Variants in FGF14 observed in about 807,000 individuals in gnomAD.
The protein encoded by FGF14 is fibroblast growth factor homologous factor 4.
FGF14 carries 5 observed loss-of-function variants against 25.5 expected under a neutral mutation model. The ratio of observed to expected loss-of-function variants is 0.20; its 90% CI spans 0.10 to 0.41. FGF14 has a LOEUF of 0.41. Among genes scored for constraint, FGF14 ranks in the 10% least tolerant of loss-of-function variants. The pLI is 1.00. For synonymous variants in FGF14, 138 were observed against 118.3 expected (o/e 1.17, Z -1.08); for missense variants, 222 against 320.1 (o/e 0.69, Z 2.34).
chr13:101,750,905 T>C (rs2037227597), intron 3 of FGF14, among the ~76,000 whole-genome samples: 1 of 152,122 alleles, frequency 6.6e-6, no homozygotes. Context: ...CTTAAATGCA[T>C]ATTACTAAGT....
chr13:102,009,077 G>A (rs189038789), intron 1 of FGF14, among the ~76,000 whole-genome samples: 1 of 152,150 alleles, frequency 6.6e-6, no homozygotes, highest in African/African-American at 2.4e-5. Flanking sequence ...GAAAACAAAT[G>A]GAGTACAGAT....
chr13:102,044,284 T>C (rs906269006), intron 1 of FGF14, among the ~76,000 whole-genome samples: 6 of 152,156 alleles, frequency 3.9e-5, no homozygotes, highest in African/African-American at 1.4e-4. Context: ...CTGTCCTAAC[T>C]GCTAATTACC....
intron 1 of FGF14, among the ~76,000 whole-genome samples, chr13:102,001,837 G>C (rs1464721639): frequency 1.3e-5 from 2 of 152,178 alleles, no homozygotes; most frequent in African/African-American, 4.8e-5. Context: ...AGAAAGAGAA[G>C]AGCAAAAAGA....
intron 1 of FGF14, among the ~76,000 whole-genome samples, chr13:102,344,754 GAGA>G (rs543022266): frequency 2.3e-3 from 350 of 152,316 alleles, no homozygotes; most frequent in African/African-American, 7.8e-3. Context: ...AGGTTTCCTG[GAGA>G]AGAAGACTTA....
At chr13:102,060,923 G>C (rs999031891) in intron 1 of FGF14, among the ~76,000 whole-genome samples, 2 of 152,112 alleles carry the variant, frequency 1.3e-5, no homozygotes, top group Non-Finnish European at 2.9e-5. Context: ...ATGTCAAGAA[G>C]AACACACCAG....
In FGF14 at chr13:102,144,142, A is replaced by C. The variant is rs561348819; in HGVS notation, c.208+257329T>G. On this transcript the variant is annotated intron_variant, in intron 1 of 4. Coordinates refer to the FGF14 transcript ENST00000376131. ...GTGGTCCTCCCACCTCAGCCTACTG[A>C]GTAGCTGGAAATACAAGTGCACACC... 7.9e-5 allele frequency among the ~76,000 whole-genome samples: 12 copies of C among 152,268 alleles called. No homozygotes were observed. The East Asian group carries it at 2.1e-3, about 27-fold the overall frequency.
chr13:101,930,400 T>C (rs1391307736), intron 1 of FGF14, among the ~76,000 whole-genome samples: 1 of 152,210 alleles, frequency 6.6e-6, no homozygotes, highest in Non-Finnish European at 1.5e-5. Context: ...GTAAACATAC[T>C]TCATTGTATT....
In FGF14 at chr13:101,715,248, T is replaced by C. The variant is rs2034664966; in HGVS notation, c.*7583A>G. On this transcript the variant is annotated 3_prime_UTR_variant, in exon 5 of 5. Coordinates refer to ENST00000376143, the MANE Select transcript of FGF14 (RefSeq NM_004115.4). ...TCAAAGAGCCTTATGTTTTTCTGTATTTATTCATAAGTCAGATATAACTTG... is the reference window on the plus strand; with the variant it reads ...TCAAAGAGCCTTATGTTTTTCTGTACTTATTCATAAGTCAGATATAACTTG... 8.2e-6 allele frequency: 2 copies of C among 243,858 alleles called. No individual in the cohort carries two copies. Among genetic ancestry groups the C allele is most frequent in the East Asian group, 1.9e-4 (2 of 10,594 alleles). The allele number at this position is 243,858 out of a possible 1,614,324, so 15.1% of individuals were successfully genotyped here. A position where few individuals can be genotyped will look rare whatever the true frequency, so the allele number is the denominator to read the frequency against.
chr13:101,777,383 C>T (rs953760354), intron 3 of FGF14, among the ~76,000 whole-genome samples: 3 of 152,114 alleles, frequency 2.0e-5, no homozygotes, highest in African/African-American at 7.2e-5. Context: ...TATTAAGATG[C>T]CAGCCTTTGT....
chr13:102,220,547 G>A (rs977820480), intron 1 of FGF14, among the ~76,000 whole-genome samples: 3 of 152,122 alleles, frequency 2.0e-5, no homozygotes, highest in Non-Finnish European at 4.4e-5. Flanking sequence ...CACTGCAGAC[G>A]GTTGAAATAC....
intron 1 of FGF14, among the ~76,000 whole-genome samples, chr13:102,075,897 A>T (rs900146373): frequency 6.6e-6 from 1 of 152,216 alleles, no homozygotes; most frequent in Admixed American, 6.5e-5. Flanking sequence ...AAAGTAAAAA[A>T]AGTAAATGAA....
chr13:102,253,383 C>G (rs2052285603), intron 1 of FGF14, among the ~76,000 whole-genome samples: 1 of 152,166 alleles, frequency 6.6e-6, no homozygotes, highest in Non-Finnish European at 1.5e-5. Flanking sequence ...GAAATGGTAT[C>G]TCACTGTGGT....
intron 1 of FGF14, among the ~76,000 whole-genome samples, chr13:101,895,383 A>G (rs1441615632): frequency 6.6e-6 from 1 of 152,168 alleles, no homozygotes; most frequent in Non-Finnish European, 1.5e-5. Context: ...AATCCAGGCA[A>G]AGCATAAAGA....
rs943457522 is a variant in FGF14, at chr13:101,980,518, A to G, written c.209-105222T>C. ...AATTTTGATAAATTTTCCATTAGAGAGAAGTTGGTTAGGACAAAATTTCAG... is the reference window on the plus strand; with the variant it reads ...AATTTTGATAAATTTTCCATTAGAGGGAAGTTGGTTAGGACAAAATTTCAG... On this transcript the variant is annotated intron_variant, in intron 1 of 4. Coordinates refer to the FGF14 transcript ENST00000376131. Among the ~76,000 whole-genome samples the G allele has an allele frequency of 2.0e-5, 3 of 152,336 alleles. No homozygotes were observed. The East Asian group carries it at 5.8e-4, about 29-fold the overall frequency.
intron 3 of FGF14, among the ~76,000 whole-genome samples, chr13:101,785,119 A>G (rs1270425827): frequency 6.6e-6 from 1 of 152,182 alleles, no homozygotes; most frequent in Non-Finnish European, 1.5e-5. Context: ...CATCTGCCAC[A>G]AAAAAGCACA....
At chr13:102,161,653 A>C (rs1199749801) in intron 1 of FGF14, among the ~76,000 whole-genome samples, 29 of 23,892 alleles carry the variant, frequency 1.2e-3, no homozygotes, top group African/African-American at 4.5e-3. Context: ...GAAGAAGAAG[A>C]AGAAGAAGAA....
At chr13:102,216,529 T>A (rs746331959) in intron 1 of FGF14, among the ~76,000 whole-genome samples, 1 of 152,222 alleles carries the variant, frequency 6.6e-6, no homozygotes, top group Non-Finnish European at 1.5e-5. Flanking sequence ...CATTGCTTTT[T>A]TTAAGATTGG....
At chr13:102,059,373 C>T (rs940922628) in intron 1 of FGF14, among the ~76,000 whole-genome samples, 1 of 152,194 alleles carries the variant, frequency 6.6e-6, no homozygotes. Flanking sequence ...ACCACACCAA[C>T]CAGCAGGCAA....
At chr13:102,139,396 T>A (rs919874331) in intron 1 of FGF14, among the ~76,000 whole-genome samples, 1 of 150,540 alleles carries the variant, frequency 6.6e-6, no homozygotes, top group Non-Finnish European at 1.5e-5. Context: ...TGAGACCCTA[T>A]CTCAAGAAAG....
Sources: gnomAD v4.1 joint callset for allele counts (sites outside exome capture counted in the v4.1 genomes callset) on GRCh38, gnomAD v4.1.1 for gene constraint, MANE v1.5 for transcripts, NCBI Gene and HGNC (gene_info 2026-07-23, HGNC 2026-07-21) for gene names.